The following MEX3B variants were observed in gnomAD, a reference collection of about 807,000 sequenced individuals.
MEX3B encodes mex-3 RNA binding family member B.
MEX3B carries 10 observed loss-of-function variants against 12.2 expected under a neutral mutation model. That is an observed-to-expected ratio of 0.82 (90% confidence interval 0.51 to 1.40). MEX3B has a LOEUF of 1.40. MEX3B is among the 40% of genes most tolerant of loss of function. The probability of loss-of-function intolerance (pLI) is 0.00; values close to 1 mark genes in which losing one functional copy is unlikely to be tolerated. For missense variants in MEX3B, 839 were observed against 801.4 expected (o/e 1.05, Z -0.57); for synonymous variants, 498 against 356.3 (o/e 1.40, Z -4.48).
rs777446461 is a variant in MEX3B at position 82,042,566 on chromosome 15, T to C, written c.*594A>G. 1 of 152,652 alleles carries C rather than the reference T, an allele frequency of 6.6e-6. No individual in the cohort carries two copies. The highest frequency in any genetic ancestry group is 2.4e-5 in the African/African-American group (1 of 41,484). The allele number at this position is 152,652 out of a possible 1,614,324, so 9.5% of individuals were successfully genotyped here. A position where few individuals can be genotyped will look rare whatever the true frequency, so the allele number is the denominator to read the frequency against. On this transcript the variant is annotated 3_prime_UTR_variant, in exon 2 of 2. Transcript: ENST00000329713. ...AAAACTTTTAAACGTTTTTAATATA[T>C]AAGAGATATGTTACAGTTTCTTTAA...
Position 82,044,853 on chromosome 15 carries a change from A to G in MEX3B, c.257-240T>C. The G allele has an allele frequency of 1.7e-6, 1 of 595,118 alleles. No individual in the cohort carries two copies. Among genetic ancestry groups the G allele is most frequent in the South Asian group, 2.0e-5 (1 of 50,498 alleles). The allele number at this position is 595,118 out of a possible 1,614,324, so 36.9% of individuals were successfully genotyped here. ...TTGGCTGCCTGGCCCTCCCCCAGTG[A>G]CTGCAGTCGTCCCGAACCAAACCCG... On this transcript the variant is annotated intron_variant, in intron 1 of 1. Transcript: ENST00000329713. The surrounding 1 kb of genome is among the most constrained non-coding windows in gnomAD (Gnocchi z 5.3).
Position 82,044,649 on chromosome 15 carries a change from A to G in MEX3B, c.257-36T>C. On this transcript the variant is annotated intron_variant, in intron 1 of 1. Transcript: ENST00000329713. This position sits in a 1 kb window ranked among gnomAD's most constrained non-coding sequence, Gnocchi z 5.3. ...GGGTGCGGAGGAGGGAGTGGGAGAG[A>G]GAGACAGACACGCCCATTATCCTGG... 6.2e-7 allele frequency: 1 copy of G among 1,605,394 alleles called. No individual in the cohort carries two copies. Among genetic ancestry groups the G allele is most frequent in the Non-Finnish European group, 8.5e-7 (1 of 1,172,804 alleles).
Position 82,043,839 on chromosome 15 carries a change from G to C in MEX3B, c.1031C>G (p.Ala344Gly). 6 of 1,591,768 alleles carry C rather than the reference G, an allele frequency of 3.8e-6. No individual in the cohort carries two copies. Among genetic ancestry groups the C allele is most frequent in the Non-Finnish European group, 5.1e-6 (6 of 1,169,542 alleles). ...GGATGGCACTGAGGCTTCTCCCCCCGCTGTGTAGGTGTACCCATTGCCGTT... is the reference window on the plus strand; with the variant it reads ...GGATGGCACTGAGGCTTCTCCCCCCCCTGTGTAGGTGTACCCATTGCCGTT... Reference protein sequence around the residue: ...NNNGNGYTYTAGGEASVPSPD... With the variant: ...NNNGNGYTYTGGGEASVPSPD... The change falls in exon 2 of 2, where the codon GCG becomes GGG. Residue 344 changes from alanine (A) to glycine (G), a missense_variant. Transcript: ENST00000329713.
Position 82,043,985 on chromosome 15 carries a change from A to C in MEX3B, c.885T>G (p.Ala295=), listed in dbSNP as rs1596006642. 1.9e-6 allele frequency: 3 copies of C among 1,608,974 alleles called. No homozygotes were observed. Among genetic ancestry groups the C allele is most frequent in the Non-Finnish European group, 2.5e-6 (3 of 1,179,850 alleles). ...RNDSSSSLGS[A]STDSYFGGGT... is the part of the protein sequence containing the mutation. ...CGCCGCCGAAATAAGAGTCTGTGGAAGCACTGCCAAGCGAGCTGGAGCTGT... is the reference window on the plus strand; with the variant it reads ...CGCCGCCGAAATAAGAGTCTGTGGACGCACTGCCAAGCGAGCTGGAGCTGT... Residue 295 remains alanine, a synonymous_variant, in exon 2 of 2, where the codon GCT becomes GCG. Transcript: ENST00000329713.
Position 82,044,112 on chromosome 15 carries a change from T to G in MEX3B, c.758A>C (p.His253Pro), listed in dbSNP as rs760003830. 23 of 1,613,176 alleles carry G rather than the reference T, an allele frequency of 1.4e-5. No homozygotes were observed. Among genetic ancestry groups the G allele is most frequent in the Middle Eastern group, 1.6e-4 (1 of 6,062 alleles). ...ANGTDVGFDL[H>P]HGSGGSGPGS... Reference sequence around the variant, plus strand: ...TGGGCCGGACCCGCCGGACCCATGATGCAGATCGAAGCCCACATCGGTGCC... The same window carrying G: ...TGGGCCGGACCCGCCGGACCCATGAGGCAGATCGAAGCCCACATCGGTGCC... Residue 253 changes from histidine to proline, a missense_variant, in exon 2 of 2, where the codon CAT becomes CCT. Around this residue, in one of 3 missense-constraint regions of MEX3B, gnomAD observed 573 missense variants for 488.9 expected, o/e 1.17. Coordinates refer to ENST00000329713, the MANE Select transcript of MEX3B (RefSeq NM_032246.6). This position sits in a 1 kb window ranked among gnomAD's most constrained non-coding sequence, Gnocchi z 5.3.
chr15:82,043,682 G>A lies in MEX3B; in HGVS notation c.1188C>T (p.Cys396=), dbSNP rs1195796831. 9.3e-6 allele frequency: 15 copies of A among 1,608,102 alleles called. No homozygotes were observed. In the Middle Eastern group the frequency reaches 4.9e-4, roughly 53 times the overall value. Residue 396 remains cysteine (C), a synonymous_variant, in exon 2 of 2, where the codon TGC becomes TGT. Coordinates refer to ENST00000329713, the MANE Select transcript of MEX3B (RefSeq NM_032246.6). ...AAGCAGACGAAGATGCAGAAGAAGA[G>A]CAGGAAGAAGATACCGGAGCTGCAG... is the stretch of plus-strand genomic sequence containing the variant. The part of the protein sequence containing the change: ...GGPAAPVSSS[C]SSSASSSASS...
chr15:82,044,242 T>A lies in MEX3B; in HGVS notation c.628A>T (p.Met210Leu). The change falls in exon 2 of 2, where the codon ATG (methionine) becomes TTG (leucine). Residue 210 changes from methionine (M) to leucine (L), a missense_variant. Coordinates refer to ENST00000329713, the MANE Select transcript of MEX3B (RefSeq NM_032246.6). The surrounding 1 kb of genome is among the most constrained non-coding windows in gnomAD (Gnocchi z 5.3). Reference protein sequence around the residue: ...DKEPVFEVTGMPENVDRAREE... With the variant: ...DKEPVFEVTGLPENVDRAREE... ...CGAGCGCGATCCACGTTCTCTGGCA[T>A]GCCGGTCACCTCGAACACCGGCTCC... 1 of 1,614,100 alleles carries A rather than the reference T, an allele frequency of 6.2e-7. No homozygotes were observed. The highest frequency in any genetic ancestry group is 8.5e-7 in the Non-Finnish European group (1 of 1,180,042).
Position 82,044,856 on chromosome 15 carries a change from G to A in MEX3B, c.257-243C>T. The A allele has an allele frequency of 1.7e-6, 1 of 595,276 alleles. No homozygotes were observed. Among genetic ancestry groups the A allele is most frequent in the South Asian group, 2.0e-5 (1 of 50,490 alleles). 36.9% of individuals were successfully genotyped at this position (595,276 alleles called of 1,614,324 possible). A position where few individuals can be genotyped will look rare whatever the true frequency, so the allele number is the denominator to read the frequency against. The stretch of plus-strand genomic sequence containing the variant: ...GCTGCCTGGCCCTCCCCCAGTGACT[G>A]CAGTCGTCCCGAACCAAACCCGAGA... On this transcript the variant is annotated intron_variant, in intron 1 of 1. Coordinates refer to ENST00000329713, the MANE Select transcript of MEX3B (RefSeq NM_032246.6). This position sits in a 1 kb window ranked among gnomAD's most constrained non-coding sequence, Gnocchi z 5.3.
intron 1 of MEX3B, chr15:82,045,029 G>A (rs1437667359): frequency 5.1e-6 from 3 of 591,212 alleles, no homozygotes; most frequent in Admixed American, 6.1e-5. Flanking sequence ...TGGGGTGTGA[G>A]TCCCGGGACC....
In MEX3B at chr15:82,043,277, C is replaced by A. The variant is rs1386665700; in HGVS notation, c.1593G>T (p.Val531=). ...CFESEVIAAL[V]PCGHNLFCME... ...TGCAGAAGAGGTTGTGGCCACAGGG[C>A]ACCAGCGCGGCAATCACTTCGCTCT... Residue 531 remains valine (V), a synonymous_variant, in exon 2 of 2, where the codon GTG becomes GTT. Coordinates refer to ENST00000329713, the MANE Select transcript of MEX3B (RefSeq NM_032246.6). 3.1e-6 allele frequency: 5 copies of A among 1,611,964 alleles called. No individual in the cohort carries two copies. The highest frequency in any genetic ancestry group is 3.4e-6 in the Non-Finnish European group (4 of 1,178,996).
At position 82,044,958 on chromosome 15, in the gene MEX3B, G is replaced by T. The variant is rs1015392845; in HGVS notation, c.257-345C>A. The T allele has an allele frequency of 1.9e-5, 11 of 579,134 alleles. No individual in the cohort carries two copies. Among genetic ancestry groups the T allele is most frequent in the Non-Finnish European group, 3.1e-5 (10 of 325,994 alleles). The allele number at this position is 579,134 out of a possible 1,614,324, so 35.9% of individuals were successfully genotyped here. A position where few individuals can be genotyped will look rare whatever the true frequency, so the allele number is the denominator to read the frequency against. On this transcript the variant is annotated intron_variant, in intron 1 of 1. Coordinates refer to ENST00000329713, the MANE Select transcript of MEX3B (RefSeq NM_032246.6). This position sits in a 1 kb window ranked among gnomAD's most constrained non-coding sequence, Gnocchi z 5.3. ...CGTCAGCTCTGAAGACACGGGGAAGGGGCTCGGGGAAGGCAGCTGAAGTCG... is the reference window on the plus strand; with the variant it reads ...CGTCAGCTCTGAAGACACGGGGAAGTGGCTCGGGGAAGGCAGCTGAAGTCG...
chr15:82,045,044 G>T, intron 1 of MEX3B: 1 of 593,064 alleles, frequency 1.7e-6, no homozygotes, highest in Non-Finnish European at 3.0e-6. Flanking sequence ...GGGACCCATT[G>T]TTCCTCCTCT....
Position 82,043,579 on chromosome 15 carries a change from G to A in MEX3B, c.1291C>T (p.Arg431Trp), listed in dbSNP as rs774660749. 1.3e-6 allele frequency: 2 copies of A among 1,566,472 alleles called. No homozygotes were observed. The highest frequency in any genetic ancestry group is 1.9e-5 in the Admixed American group (1 of 51,410). The change falls in exon 2 of 2, where the codon CGG (arginine) becomes TGG (tryptophan). Residue 431 changes from arginine (R) to tryptophan (W), a missense_variant. This residue lies in a region of MEX3B where 573 missense variants were observed against 488.9 expected (regional missense o/e 1.17). Transcript: ENST00000329713. Reference sequence around the variant, plus strand: ...GGGCAGCTGGTGCCAGGGTGCAGCCGGCGGTGCACCAATAGCCCCAGGTTG... The same window carrying A: ...GGGCAGCTGGTGCCAGGGTGCAGCCAGCGGTGCACCAATAGCCCCAGGTTG... ...NANLGLLVHR[R>W]LHPGTSCPRL...
rs1348122903 is a variant in MEX3B, at chr15:82,041,884, TA to T, written c.*1275del. On this transcript the variant is annotated 3_prime_UTR_variant, in exon 2 of 2. Transcript: ENST00000329713. The stretch of plus-strand genomic sequence containing the variant: ...TGTAGAACTTTAAATGTCAGAAAAA[TA>T]AAACTCTTGATACAATTTCAAATCT... 1.2e-4 allele frequency: 19 copies of T among 152,590 alleles called. No homozygotes were observed. Among genetic ancestry groups the T allele is most frequent in the African/African-American group, 4.3e-4 (18 of 41,440 alleles). 9.5% of individuals were successfully genotyped at this position (152,590 alleles called of 1,614,324 possible).
At chr15:82,045,427 C>T (rs763610495) in intron 1 of MEX3B, 23 bp downstream of exon 1, 7 of 1,549,662 alleles carry the variant, frequency 4.5e-6, no homozygotes, top group Non-Finnish European at 6.2e-6. Flanking sequence ...CCCCACCCAC[C>T]TCCCCATCCC....
chr15:82,044,396 G>C lies in MEX3B; in HGVS notation c.474C>G (p.Pro158=), dbSNP rs150056726. The C allele has an allele frequency of 7.5e-5, 121 of 1,611,024 alleles. No homozygotes were observed. Among genetic ancestry groups the C allele is most frequent in the Non-Finnish European group, 9.9e-5 (117 of 1,179,430 alleles). Residue 158 remains proline, a synonymous_variant, in exon 2 of 2, where the codon CCC becomes CCG. Transcript: ENST00000329713. The surrounding 1 kb of genome is among the most constrained non-coding windows in gnomAD (Gnocchi z 5.3). ...CCCGCACTTGGATGGTGGTCTGCCC[G>C]GGCAGGTTGGGCGGCCCAGGCACCG... ...NGAVPGPPNL[P]GQTTIQVRVP...
chr15:82,044,420 C>T lies in MEX3B; in HGVS notation c.450G>A (p.Ala150=). ...SRNKNTALNG[A]VPGPPNLPGQ... ...CGGGCAGGTTGGGCGGCCCAGGCACCGCGCCGTTGAGTGCCGTGTTCTTAT... is the reference window on the plus strand; with the variant it reads ...CGGGCAGGTTGGGCGGCCCAGGCACTGCGCCGTTGAGTGCCGTGTTCTTAT... Residue 150 remains alanine (A), a synonymous_variant, in exon 2 of 2, where the codon GCG becomes GCA. Coordinates refer to ENST00000329713, the MANE Select transcript of MEX3B (RefSeq NM_032246.6). This position sits in a 1 kb window ranked among gnomAD's most constrained non-coding sequence, Gnocchi z 5.3. The T allele has an allele frequency of 6.2e-7, 1 of 1,612,012 alleles. No individual in the cohort carries two copies. Among genetic ancestry groups the T allele is most frequent in the Non-Finnish European group, 8.5e-7 (1 of 1,179,698 alleles).
At chr15:82,045,200 G>T in intron 1 of MEX3B, 1 of 628,974 alleles carries the variant, frequency 1.6e-6, no homozygotes, top group South Asian at 1.8e-5. Context: ...TGGGCTGGTT[G>T]GGGGGCGTTA....
Position 82,043,733 on chromosome 15 carries a change from C to T in MEX3B, c.1137G>A (p.Gln379=), listed in dbSNP as rs747507233. The stretch of plus-strand genomic sequence containing the variant: ...GTCCGCCTCCCGGGGACCGCTCGAA[C>T]TGGGCCCAGATAAGTGGTGCCCCAG... ...PPPGAPLIWA[Q]FERSPGGGPA... The change falls in exon 2 of 2, where the codon CAG becomes CAA. Residue 379 remains glutamine, a synonymous_variant. Coordinates refer to ENST00000329713, the MANE Select transcript of MEX3B (RefSeq NM_032246.6). 26 of 1,575,750 alleles carry T rather than the reference C, an allele frequency of 1.7e-5. No individual in the cohort carries two copies. Among genetic ancestry groups the T allele is most frequent in the Middle Eastern group, 1.7e-4 (1 of 5,860 alleles).
Sources: allele counts gnomAD v4.1 joint callset, GRCh38; gene constraint gnomAD v4.1.1; regional missense constraint gnomAD v4.1.1; non-coding constraint Gnocchi (gnomAD v3.1); transcripts MANE v1.5; gene names NCBI Gene and HGNC (gene_info 2026-07-23, HGNC 2026-07-21).